Variants in GRID2 observed in about 807,000 individuals in gnomAD.
GRID2 encodes glutamate receptor ionotropic, delta-2.
GRID2 carries 33 observed loss-of-function variants against 114.8 expected under a neutral mutation model. That is an observed-to-expected ratio of 0.29 (90% CI 0.22 to 0.38). The LOEUF (loss-of-function observed/expected upper bound fraction) is 0.38. Among genes scored for constraint, GRID2 ranks in the 10% least tolerant of loss-of-function variants. The probability of loss-of-function intolerance (pLI) is 1.00; values close to 1 mark genes in which losing one functional copy is unlikely to be tolerated. For synonymous variants in GRID2, 505 were observed against 449.9 expected (o/e 1.12, Z -1.55); for missense variants, 1,184 against 1,257.7 (o/e 0.94, Z 0.89).
At chr4:92,861,084 C>G (rs1744500817) in intron 2 of GRID2, among the ~76,000 whole-genome samples, 1 of 152,010 alleles carries the variant, frequency 6.6e-6, no homozygotes, top group Non-Finnish European at 1.5e-5. Flanking sequence ...AAGCCAAAGT[C>G]TAGATTATTA....
intron 14 of GRID2, among the ~76,000 whole-genome samples, chr4:93,695,029 G>A (rs370035844): frequency 1.3e-5 from 2 of 152,142 alleles, no homozygotes; most frequent in Admixed American, 6.5e-5. Context: ...AAATTAGCCC[G>A]GCATGGTGGC....
intron 1 of GRID2, among the ~76,000 whole-genome samples, chr4:92,389,552 C>T (rs551250482): frequency 1.3e-5 from 2 of 152,188 alleles, no homozygotes; most frequent in South Asian, 2.1e-4. Context: ...TAGTAGTTTA[C>T]TATGAATGTC....
intron 13 of GRID2, among the ~76,000 whole-genome samples, chr4:93,561,413 T>G (rs980504022): frequency 2.6e-5 from 4 of 152,078 alleles, no homozygotes; most frequent in Non-Finnish European, 4.4e-5. Flanking sequence ...ACGGCAAAAT[T>G]GAAAGGAAGG....
Position 93,503,400 on chromosome 4 carries a change from G to A in GRID2, c.1998-11816G>A, listed in dbSNP as rs143369261. Among the ~76,000 whole-genome samples the A allele has an allele frequency of 8.7e-3, 1,327 of 152,046 alleles. 14 individuals carry two copies. Among genetic ancestry groups the A allele is most frequent in the African/African-American group, 0.03 (1,255 of 41,482 alleles). ...GCAGGTTTGTTACATATGTATACAT[G>A]TGCCATGTTGGTGTGCTGCACCCAT... On this transcript the variant is annotated intron_variant, in intron 12 of 15. Coordinates refer to ENST00000282020, the MANE Select transcript of GRID2 (RefSeq NM_001510.4).
chr4:93,607,435 A>G (rs981782209), intron 13 of GRID2, among the ~76,000 whole-genome samples: 1 of 152,120 alleles, frequency 6.6e-6, no homozygotes, highest in African/African-American at 2.4e-5. Context: ...GGAACACATC[A>G]TCATTCTATG....
intron 1 of GRID2, among the ~76,000 whole-genome samples, chr4:92,311,308 A>T (rs1238348103): frequency 6.6e-6 from 1 of 151,780 alleles, no homozygotes; most frequent in African/African-American, 2.4e-5. Context: ...ACTATCCTGG[A>T]CTCCTGCTTC....
chr4:93,016,262 G>T (rs913670059), intron 2 of GRID2, among the ~76,000 whole-genome samples: 1 of 152,122 alleles, frequency 6.6e-6, no homozygotes, highest in African/African-American at 2.4e-5. Context: ...AGGATGTCTA[G>T]CTTCCTAAAA....
chr4:93,312,278 T>C (rs964947922), intron 8 of GRID2, among the ~76,000 whole-genome samples: 9 of 152,162 alleles, frequency 5.9e-5, no homozygotes, highest in Non-Finnish European at 2.9e-5. Context: ...TTAGTATGAA[T>C]GCAGATTAAG....
At chr4:93,234,114 G>C (rs1372883395) in intron 7 of GRID2, among the ~76,000 whole-genome samples, 3 of 152,038 alleles carry the variant, frequency 2.0e-5, no homozygotes, top group African/African-American at 7.2e-5. Flanking sequence ...GTATTGTCTT[G>C]AAATATAAGG....
At chr4:92,558,335 C>A (rs986006589) in intron 1 of GRID2, among the ~76,000 whole-genome samples, 1 of 152,034 alleles carries the variant, frequency 6.6e-6, no homozygotes, top group Non-Finnish European at 1.5e-5. Context: ...TTCTCCTAAT[C>A]AAAAAACTTC....
At chr4:92,332,392 C>T (rs1726938040) in intron 1 of GRID2, among the ~76,000 whole-genome samples, 1 of 152,084 alleles carries the variant, frequency 6.6e-6, no homozygotes, top group Non-Finnish European at 1.5e-5. Flanking sequence ...TAAACACTTC[C>T]TGTTAGACCC....
At chr4:93,706,572 T>C (rs1728017050) in intron 14 of GRID2, among the ~76,000 whole-genome samples, 1 of 152,226 alleles carries the variant, frequency 6.6e-6, no homozygotes, top group Non-Finnish European at 1.5e-5. Flanking sequence ...TTTTGTATCC[T>C]GCAACTTTAC....
intron 2 of GRID2, among the ~76,000 whole-genome samples, chr4:92,706,995 C>A (rs998558516): frequency 6.6e-5 from 10 of 152,046 alleles, no homozygotes; most frequent in Admixed American, 2.6e-4. Flanking sequence ...TATACATTTA[C>A]AAACATAGGA....
chr4:92,492,832 T>C (rs1056454012), intron 1 of GRID2, among the ~76,000 whole-genome samples: 4 of 152,020 alleles, frequency 2.6e-5, no homozygotes, highest in African/African-American at 9.7e-5. Context: ...CAGGGCTAAA[T>C]GGAATACAGT....
intron 1 of GRID2, among the ~76,000 whole-genome samples, chr4:92,566,060 T>C (rs1401636652): frequency 6.6e-6 from 1 of 151,986 alleles, no homozygotes; most frequent in African/African-American, 2.4e-5. Context: ...TGTTCTTCGC[T>C]GACCGTTTAT....
intron 2 of GRID2, among the ~76,000 whole-genome samples, chr4:92,877,773 T>C (rs1417526316): frequency 2.0e-5 from 3 of 152,144 alleles, no homozygotes; most frequent in Non-Finnish European, 2.9e-5. Context: ...GCCACACCTT[T>C]AGGGACAAAG....
At chr4:93,714,106 C>T (rs1389202761) in intron 14 of GRID2, among the ~76,000 whole-genome samples, 1 of 152,044 alleles carries the variant, frequency 6.6e-6, no homozygotes, top group Non-Finnish European at 1.5e-5. Context: ...CCACCCCCAA[C>T]AGGCCCCAGT....
At chr4:93,474,861 A>G (rs1001573502) in intron 11 of GRID2, among the ~76,000 whole-genome samples, 3 of 152,210 alleles carry the variant, frequency 2.0e-5, no homozygotes, top group Admixed American at 6.6e-5. Context: ...AAATAAGAAT[A>G]CAGTTCTAAA....
chr4:93,082,318 A>G (rs1729942983), intron 2 of GRID2, among the ~76,000 whole-genome samples: 1 of 152,216 alleles, frequency 6.6e-6, no homozygotes, highest in Admixed American at 6.5e-5. Flanking sequence ...TTTTAAGGAT[A>G]CAACTACAAG....
Sources: allele counts gnomAD v4.1 joint callset (sites outside exome capture counted in the v4.1 genomes callset), GRCh38; gene constraint gnomAD v4.1.1; transcripts MANE v1.5; gene names NCBI Gene and HGNC (gene_info 2026-07-23, HGNC 2026-07-21).